The following DSTN variants were observed in gnomAD, a reference collection of about 807,000 sequenced individuals.
DSTN encodes the protein destrin, actin depolymerizing factor.
In DSTN, 10 loss-of-function variants were observed where a neutral mutation model predicts 16.8. The observed-to-expected ratio is 0.60, with a 90% CI of 0.37 to 1.01. DSTN has a LOEUF of 1.01. Ranked by LOEUF, DSTN falls within the 50% of genes least tolerant of loss-of-function variation. DSTN has a pLI of 0.01. For missense variants in DSTN, 141 were observed against 196.7 expected (o/e 0.72, Z 1.69); for synonymous variants, 57 against 58.9 (o/e 0.97, Z 0.14).
intron 1 of DSTN, among the ~76,000 whole-genome samples, chr20:17,589,834 G>T (rs1297575359): frequency 5.3e-5 from 8 of 152,290 alleles, no homozygotes; most frequent in African/African-American, 1.9e-4. Flanking sequence ...TTGAGTATTT[G>T]TCTGCAGTAT....
chr20:17,606,906 G>C (rs912260723), intron 3 of DSTN, 131 bp from the exon 4 acceptor site: 4 of 713,878 alleles, frequency 5.6e-6, no homozygotes, highest in Non-Finnish European at 9.3e-6. Context: ...TCGTTACTGT[G>C]TAGTATTCCG....
intron 1 of DSTN, among the ~76,000 whole-genome samples, chr20:17,584,791 G>A (rs1408544239): frequency 2.0e-5 from 3 of 152,018 alleles, no homozygotes; most frequent in African/African-American, 7.2e-5. Flanking sequence ...TTTCATAATT[G>A]AGATTATACT....
chr20:17,576,302 G>C (rs916577262), intron 1 of DSTN: 16 of 153,110 alleles, frequency 1.0e-4, no homozygotes, highest in African/African-American at 3.9e-4. Context: ...TCTAGCAGGG[G>C]AGCGCAGCTG....
chr20:17,602,892 C>T (rs1027226103), intron 2 of DSTN, among the ~76,000 whole-genome samples: 4 of 152,126 alleles, frequency 2.6e-5, no homozygotes, highest in Admixed American at 6.5e-5. Flanking sequence ...TAGTGGCACA[C>T]GCCTGCAGTT....
chr20:17,574,266 T>C (rs1159068411), intron 1 of DSTN, among the ~76,000 whole-genome samples: 1 of 152,170 alleles, frequency 6.6e-6, no homozygotes, highest in Non-Finnish European at 1.5e-5. Context: ...TTCTCTTTTC[T>C]GGCACATAAA....
rs2035655064 is a variant in DSTN, at chr20:17,607,549, T to C, written c.*403T>C. 1 of 162,512 alleles carries C rather than the reference T, an allele frequency of 6.2e-6. No homozygotes were observed. The highest frequency in any genetic ancestry group is 1.8e-4 in the South Asian group (1 of 5,452). The allele number at this position is 162,512 out of a possible 1,614,324, so 10.1% of individuals were successfully genotyped here. On this transcript the variant is annotated 3_prime_UTR_variant, in exon 4 of 4. Transcript: ENST00000246069. The stretch of plus-strand genomic sequence containing the variant: ...TAATTTTGGTCCAAATTCTTTATTC[T>C]TCCTTGAGCTAAGCAGAATAATGGA...
chr20:17,588,410 G>T (rs538940994), intron 1 of DSTN, among the ~76,000 whole-genome samples: 3 of 152,276 alleles, frequency 2.0e-5, no homozygotes, highest in Non-Finnish European at 4.4e-5. Flanking sequence ...TTGGGCACAT[G>T]TTCTCAGGAC....
intron 3 of DSTN, among the ~76,000 whole-genome samples, chr20:17,605,515 A>T (rs1221671690): frequency 2.6e-5 from 4 of 152,124 alleles, no homozygotes; most frequent in Non-Finnish European, 4.4e-5. Flanking sequence ...TTCATGGTAG[A>T]ACAGGTTTGC....
At chr20:17,590,656 G>C (rs192584895) in intron 1 of DSTN, among the ~76,000 whole-genome samples, 8 of 152,306 alleles carry the variant, frequency 5.3e-5, no homozygotes, top group Admixed American at 5.2e-4. Context: ...TATGTTCAGA[G>C]TATCCTTTAA....
rs1447412274 is a variant in DSTN at position 17,608,225 on chromosome 20, G to T, written c.*1079G>T. ...AGCAGTATTGGCTTTATGTAATAAA[G>T]GAAGCATTTTTGACTTACCTCTCGT... On this transcript the variant is annotated 3_prime_UTR_variant, in exon 4 of 4. Coordinates refer to ENST00000246069, the MANE Select transcript of DSTN (RefSeq NM_006870.4). 3 of 152,202 alleles carry T rather than the reference G, an allele frequency of 2.0e-5. No individual in the cohort carries two copies. Among genetic ancestry groups the T allele is most frequent in the Non-Finnish European group, 4.4e-5 (3 of 68,032 alleles). 9.4% of individuals were successfully genotyped at this position (152,202 alleles called of 1,614,324 possible). A position where few individuals can be genotyped will look rare whatever the true frequency, so the allele number is the denominator to read the frequency against.
chr20:17,590,348 A>C (rs2035456315), intron 1 of DSTN, among the ~76,000 whole-genome samples: 3 of 152,228 alleles, frequency 2.0e-5, no homozygotes, highest in Non-Finnish European at 4.4e-5. Context: ...GTATTGATTT[A>C]ATCTCTGAAA....
intron 1 of DSTN, among the ~76,000 whole-genome samples, chr20:17,597,464 TTTTA>T (rs1263148515): frequency 3.9e-5 from 6 of 152,304 alleles, no homozygotes; most frequent in African/African-American, 4.8e-5. Flanking sequence ...ACAACTTTAT[TTTTA>T]TTTGTTTGTA....
intron 1 of DSTN, among the ~76,000 whole-genome samples, chr20:17,597,476 G>A (rs903858055): frequency 6.6e-6 from 1 of 152,090 alleles, no homozygotes; most frequent in Non-Finnish European, 1.5e-5. Context: ...TTATTTGTTT[G>A]TATAAATGTA....
chr20:17,599,264 A>G (rs1198432767), intron 1 of DSTN: 1 of 152,280 alleles, frequency 6.6e-6, no homozygotes, highest in Non-Finnish European at 1.5e-5. Context: ...GTTAATAGCC[A>G]CTAGGCTGCA....
intron 1 of DSTN, among the ~76,000 whole-genome samples, chr20:17,595,899 T>C (rs902798302): frequency 1.3e-5 from 2 of 152,224 alleles, no homozygotes; most frequent in Non-Finnish European, 2.9e-5. Context: ...TCCCCAATCA[T>C]AAGACAACTT....
At chr20:17,593,925 T>A (rs149876126) in intron 1 of DSTN, among the ~76,000 whole-genome samples, 4,591 of 151,786 alleles carry the variant, frequency 0.03, 203 homozygotes, top group African/African-American at 0.1. Context: ...CAAAAAAAAT[T>A]TTAAAAATTA....
intron 1 of DSTN, among the ~76,000 whole-genome samples, chr20:17,585,631 A>G (rs1324480572): frequency 3.3e-5 from 5 of 152,182 alleles, no homozygotes; most frequent in Non-Finnish European, 4.4e-5. Context: ...TGACACATAT[A>G]TATGTACACA....
chr20:17,570,234 C>T (rs750339600), intron 1 of DSTN, 23 bp downstream of exon 1: 2 of 1,498,726 alleles, frequency 1.3e-6, no homozygotes, highest in East Asian at 2.7e-5. Flanking sequence ...GAGGCCGAGG[C>T]GTGGGCCGAG....
At position 17,607,616 on chromosome 20, in the gene DSTN, T is replaced by C. The variant is rs903454407; in HGVS notation, c.*470T>C. On this transcript the variant is annotated 3_prime_UTR_variant, in exon 4 of 4. Coordinates refer to ENST00000246069, the MANE Select transcript of DSTN (RefSeq NM_006870.4). ...TAATATAACAACACTAATACACTAATAGTAAGATTAAGTTAGGCAGTCTTC... is the reference window on the plus strand; with the variant it reads ...TAATATAACAACACTAATACACTAACAGTAAGATTAAGTTAGGCAGTCTTC... 3.3e-5 allele frequency: 5 copies of C among 152,758 alleles called. No individual in the cohort carries two copies. The highest frequency in any genetic ancestry group is 9.6e-5 in the African/African-American group (4 of 41,464). 9.5% of individuals were successfully genotyped at this position (152,758 alleles called of 1,614,324 possible).
Sources: allele counts gnomAD v4.1 joint callset (sites outside exome capture counted in the v4.1 genomes callset), GRCh38; gene constraint gnomAD v4.1.1; transcripts MANE v1.5; gene names NCBI Gene and HGNC (gene_info 2026-07-23, HGNC 2026-07-21).